CLPTM1: variants seen among roughly 807,000 people sequenced by gnomAD.
The protein encoded by CLPTM1 is putative lipid scramblase CLPTM1.
Under a neutral mutation model 77.3 loss-of-function variants are expected in CLPTM1, and 21 were observed. That is an observed-to-expected ratio of 0.27 (90% confidence interval 0.19 to 0.39). CLPTM1 has a LOEUF of 0.39. CLPTM1 is among the 10% of genes least tolerant of loss of function. The probability of loss-of-function intolerance (pLI) is 1.00; values close to 1 mark genes in which losing one functional copy is unlikely to be tolerated. For synonymous variants in CLPTM1, 373 were observed against 381.0 expected, an observed-to-expected ratio of 0.98 and a Z score of 0.24; for missense variants, 642 against 921.2, an observed-to-expected ratio of 0.70 and a Z score of 3.92.
At position 44,982,186 on chromosome 19, in the gene CLPTM1, T is replaced by G. The variant is rs948899941; in HGVS notation, c.587-3032T>G. Among the ~76,000 whole-genome samples the G allele has an allele frequency of 3.9e-5, 6 of 151,910 alleles. No homozygotes were observed. In the South Asian group the frequency reaches 6.2e-4, roughly 16 times the overall value. ...CAACATAATGAAACCCCAGCTATAC[T>G]AAAAATACAAAAATTAGGCGGGCAT... On this transcript the variant is annotated intron_variant, in intron 5 of 13. Transcript: ENST00000337392.
At chr19:44,966,211 A>G (rs1970625332) in intron 2 of CLPTM1, among the ~76,000 whole-genome samples, 1 of 152,198 alleles carries the variant, frequency 6.6e-6, no homozygotes, top group South Asian at 2.1e-4. Context: ...GGAGATCGAG[A>G]CCATCCTGGC....
At chr19:44,980,441 G>A (rs922395862) in intron 5 of CLPTM1, among the ~76,000 whole-genome samples, 2 of 150,780 alleles carry the variant, frequency 1.3e-5, no homozygotes, top group African/African-American at 2.4e-5. Context: ...CCCCGGAGGC[G>A]GAGATTGCAG....
intron 5 of CLPTM1, among the ~76,000 whole-genome samples, chr19:44,979,383 C>T (rs1600033855): frequency 6.6e-6 from 1 of 152,096 alleles, no homozygotes; most frequent in East Asian, 1.9e-4. Context: ...AGAATGGCTT[C>T]CTCAGAAAGC....
upstream of CLPTM1, chr19:44,955,126 G>A (rs1214025097): frequency 6.5e-7 from 1 of 1,535,630 alleles, no homozygotes; most frequent in East Asian, 2.4e-5. Context: ...GAACTTGCGG[G>A]AGGCACATGC....
upstream of CLPTM1, chr19:44,955,042 G>A (rs781319926): frequency 3.3e-5 from 50 of 1,535,696 alleles, 1 homozygote; most frequent in African/African-American, 5.9e-4. Context: ...AATCGGCAGG[G>A]AGAAGCGGAC....
intron 2 of CLPTM1, among the ~76,000 whole-genome samples, chr19:44,965,342 A>G (rs1483714539): frequency 2.0e-5 from 3 of 151,258 alleles, no homozygotes; most frequent in Non-Finnish European, 2.9e-5. Flanking sequence ...TACTAAAAAT[A>G]CAAAAATTAG....
chr19:44,956,240 A>G (rs1434977212), intron 1 of CLPTM1, among the ~76,000 whole-genome samples: 1 of 152,130 alleles, frequency 6.6e-6, no homozygotes, highest in Non-Finnish European at 1.5e-5. Context: ...CTCAGGGGAA[A>G]GGAGTGCGGG....
chr19:44,992,084 A>T lies in CLPTM1; in HGVS notation c.1556-149A>T. The T allele has an allele frequency of 1.4e-6, 1 of 724,872 alleles. No homozygotes were observed. The highest frequency in any genetic ancestry group is 2.3e-6 in the Non-Finnish European group (1 of 439,474). The allele number at this position is 724,872 out of a possible 1,614,324, so 44.9% of individuals were successfully genotyped here. ...GTGACAGAAGGCCCCACCAGTGCAG[A>T]GGCCGCTGGTAGAGTGTGCCCAGGT... On this transcript the variant is annotated intron_variant, in intron 12 of 13. Transcript: ENST00000337392. This position sits in a 1 kb window ranked among gnomAD's most constrained non-coding sequence, Gnocchi z 7.7.
rs113342818 is a variant in CLPTM1 at position 44,990,633 on chromosome 19, G to A, written c.1323+48G>A. ...TCTCGGGAGCTGCAGGGGTTGGGAGGGGGTAGTGTGGCCCAGCTGGACCCT... is the reference window on the plus strand; with the variant it reads ...TCTCGGGAGCTGCAGGGGTTGGGAGAGGGTAGTGTGGCCCAGCTGGACCCT... On this transcript the variant is annotated intron_variant, in intron 10 of 13. Coordinates refer to ENST00000337392, the MANE Select transcript of CLPTM1 (RefSeq NM_001294.4). The surrounding 1 kb of genome is among the most constrained non-coding windows in gnomAD (Gnocchi z 4.8). The A allele has an allele frequency of 4.4e-6, 7 of 1,591,742 alleles. No individual in the cohort carries two copies. Among genetic ancestry groups the A allele is most frequent in the African/African-American group, 4.0e-5 (3 of 74,508 alleles).
At chr19:44,969,490 A>T (rs1010284491) in intron 2 of CLPTM1, among the ~76,000 whole-genome samples, 1 of 152,160 alleles carries the variant, frequency 6.6e-6, no homozygotes, top group Non-Finnish European at 1.5e-5. Context: ...CTGATATACC[A>T]GTCTGGATGG....
intron 7 of CLPTM1, 84 bp downstream of exon 7, chr19:44,986,659 T>G: frequency 6.5e-7 from 1 of 1,526,882 alleles, no homozygotes; most frequent in South Asian, 1.2e-5. Context: ...CCTGGCCCTG[T>G]CCCCCTGAGA....
chr19:44,958,206 C>T (rs1264089932), intron 1 of CLPTM1, among the ~76,000 whole-genome samples: 11 of 151,998 alleles, frequency 7.2e-5, no homozygotes, highest in Admixed American at 6.6e-4. Flanking sequence ...GGCAAAGGAG[C>T]AGCCAGTGCG....
At chr19:44,977,926 G>C (rs1299218366) in intron 5 of CLPTM1, among the ~76,000 whole-genome samples, 1 of 152,106 alleles carries the variant, frequency 6.6e-6, no homozygotes, top group Non-Finnish European at 1.5e-5. Flanking sequence ...ACCAGCCTGG[G>C]AAACATGACA....
chr19:44,965,437 G>T (rs1970612040), intron 2 of CLPTM1, among the ~76,000 whole-genome samples: 1 of 151,530 alleles, frequency 6.6e-6, no homozygotes, highest in Admixed American at 6.6e-5. Context: ...GGTAGAGGTT[G>T]CAGTGAGCCA....
intron 5 of CLPTM1, among the ~76,000 whole-genome samples, chr19:44,978,386 A>G (rs1414771456): frequency 2.7e-5 from 4 of 150,524 alleles, no homozygotes; most frequent in Non-Finnish European, 5.9e-5. Context: ...GCCTGGTGAC[A>G]CAGCAAGACT....
intron 5 of CLPTM1, among the ~76,000 whole-genome samples, chr19:44,979,932 C>T (rs1025620761): frequency 2.6e-5 from 4 of 152,182 alleles, no homozygotes; most frequent in South Asian, 2.1e-4. Flanking sequence ...TCTTGTACCC[C>T]GTTTGACGAT....
intron 7 of CLPTM1, 67 bp downstream of exon 7, chr19:44,986,642 G>T (rs1179056194): frequency 3.8e-6 from 6 of 1,572,318 alleles, no homozygotes; most frequent in Non-Finnish European, 4.3e-6. Context: ...CCATCTCCTT[G>T]TCTTCTCCTG....
At chr19:44,975,900 T>C (rs1050625563) in intron 4 of CLPTM1, among the ~76,000 whole-genome samples, 4 of 152,090 alleles carry the variant, frequency 2.6e-5, no homozygotes, top group Non-Finnish European at 5.9e-5. Context: ...TCTTGCTCTG[T>C]TGCCTAGGCT....
intron 9 of CLPTM1, 101 bp downstream of exon 9, chr19:44,988,274 C>A: frequency 1.1e-6 from 1 of 878,286 alleles, no homozygotes; most frequent in South Asian, 1.4e-5. Context: ...CTCCCCCTGC[C>A]TGGGGTCTCT....
Sources: allele counts gnomAD v4.1 joint callset (sites outside exome capture counted in the v4.1 genomes callset), GRCh38; gene constraint gnomAD v4.1.1; non-coding constraint Gnocchi (gnomAD v3.1); transcripts MANE v1.5; gene names NCBI Gene and HGNC (gene_info 2026-07-23, HGNC 2026-07-21).